ATG4B: variants seen among roughly 807,000 people sequenced by gnomAD.
ATG4B encodes autophagy related 4B cysteine peptidase, also known as cysteine protease ATG4B.
In ATG4B, 29 loss-of-function variants were observed where a neutral mutation model predicts 56.6. The ratio of observed to expected loss-of-function variants is 0.51; its 90% CI spans 0.38 to 0.70. The LOEUF (loss-of-function observed/expected upper bound fraction) is 0.70, where lower values mean the gene tolerates loss of function less well. ATG4B is among the 30% of genes least tolerant of loss of function. The pLI is 0.00. For missense variants in ATG4B, 461 were observed against 515.5 expected, an observed-to-expected ratio of 0.89 and a Z score of 1.02; for synonymous variants, 224 against 206.1, an observed-to-expected ratio of 1.09 and a Z score of -0.74.
At position 241,668,617 on chromosome 2, in the gene ATG4B, G is replaced by A. The variant is rs1186967714; in HGVS notation, c.889G>A (p.Glu297Lys). ...CACTGATGGCTGCTTCATCCCGGAC[G>A]AGAGCTTCCACTGCCAGCACCCGCC... ...EPTDGCFIPDESFHCQHPPCR... is the reference protein window; with the variant it reads ...EPTDGCFIPDKSFHCQHPPCR... The change falls in exon 10 of 13, where the codon GAG becomes AAG. Residue 297 changes from glutamate to lysine, a missense_variant. Transcript: ENST00000404914. The surrounding 1 kb of genome is among the most constrained non-coding windows in gnomAD (Gnocchi z 4.2). 16 of 1,590,534 alleles carry A rather than the reference G, an allele frequency of 1.0e-5. No homozygotes were observed. In the Admixed American group the frequency reaches 1.9e-4, roughly 19 times the overall value.
At chr2:241,643,692 TTTCC>T (rs1285603957) in intron 1 of ATG4B, among the ~76,000 whole-genome samples, 968 of 91,172 alleles carry the variant, frequency 0.011, 56 homozygotes, top group African/African-American at 0.064. Context: ...ATGTATATAT[TTTCC>T]CCCCCCCCCG....
chr2:241,637,953 C>T (rs867952838), intron 1 of ATG4B, among the ~76,000 whole-genome samples: 5 of 151,588 alleles, frequency 3.3e-5, no homozygotes, highest in East Asian at 1.9e-4. Flanking sequence ...CCGTCGGTTG[C>T]GCTGGAGCTT....
Position 241,654,542 on chromosome 2 carries a change from A to G in ATG4B, c.284-4A>G, listed in dbSNP as rs767935495. 1.2e-5 allele frequency: 19 copies of G among 1,581,536 alleles called. No individual in the cohort carries two copies. Among genetic ancestry groups the G allele is most frequent in the Admixed American group, 5.5e-5 (3 of 54,438 alleles). ...GAGCTGACCTGTAATTTTTTTTCCAATAGATTGGAGGTGGACACAAAGGAA... is the reference window on the plus strand; with the variant it reads ...GAGCTGACCTGTAATTTTTTTTCCAGTAGATTGGAGGTGGACACAAAGGAA... On this transcript the variant is annotated splice_region_variant and splice_polypyrimidine_tract_variant and intron_variant, in intron 4 of 12. Coordinates refer to ENST00000404914, the MANE Select transcript of ATG4B (RefSeq NM_013325.5).
At chr2:241,647,852 G>A (rs916128453) in intron 1 of ATG4B, among the ~76,000 whole-genome samples, 5 of 152,026 alleles carry the variant, frequency 3.3e-5, no homozygotes, top group Admixed American at 1.3e-4. Context: ...TGTGGCTCAC[G>A]CCTGTAATCC....
At position 241,646,016 on chromosome 2, in the gene ATG4B, T is replaced by C. The variant is rs1019163371; in HGVS notation, c.11-4994T>C. On this transcript the variant is annotated intron_variant, in intron 1 of 12. Coordinates refer to ENST00000404914, the MANE Select transcript of ATG4B (RefSeq NM_013325.5). ...GCTCCTTGGATTTGCTCCCCTGGGG[T>C]TTCCTGGTCTCCTTGATGGTTTATA... is the stretch of plus-strand genomic sequence containing the variant. Among the ~76,000 whole-genome samples, 8 of 152,230 alleles carry C rather than the reference T, an allele frequency of 5.3e-5. 2 individuals carry two copies. Among genetic ancestry groups the C allele is most frequent in the Admixed American group, 6.5e-5 (1 of 15,298 alleles).
chr2:241,652,037 G>T lies in ATG4B; in HGVS notation c.184+702G>T. ...GGTCAGGGTTTGGTCCCTCTTCTAG[G>T]GGTGGTTTCATTCTTTATCCTGAAG... On this transcript the variant is annotated intron_variant, in intron 3 of 12. Coordinates refer to ENST00000404914, the MANE Select transcript of ATG4B (RefSeq NM_013325.5). 4.1e-6 allele frequency: 5 copies of T among 1,211,870 alleles called. No individual in the cohort carries two copies. The South Asian group carries it at 6.4e-5, about 15-fold the overall frequency. 75.1% of individuals were successfully genotyped at this position (1,211,870 alleles called of 1,614,324 possible).
chr2:241,645,806 A>G (rs1340310673), intron 1 of ATG4B, among the ~76,000 whole-genome samples: 1 of 152,006 alleles, frequency 6.6e-6, no homozygotes, highest in Non-Finnish European at 1.5e-5. Flanking sequence ...GTCCGCCACT[A>G]GCCCTAGGGG....
chr2:241,665,863 CCTGTCACCTGTCTGTCACCTGTCAGTCA>C (rs1427534962), intron 7 of ATG4B, among the ~76,000 whole-genome samples: 1 of 152,210 alleles, frequency 6.6e-6, no homozygotes, highest in East Asian at 1.9e-4. Context: ...CAGTGTGCTA[CCTGTCACCTGTCTGTCACCTGTCAGTCA>C]CTGTCACCTG....
chr2:241,661,720 T>G (rs1352215196), intron 7 of ATG4B, among the ~76,000 whole-genome samples: 2 of 152,134 alleles, frequency 1.3e-5, no homozygotes, highest in Admixed American at 6.5e-5. Context: ...GGGGAGACCT[T>G]ACTGCCTACA....
rs755871757 is a variant in ATG4B at position 241,637,697 on chromosome 2, G to C, written c.-18G>C. On this transcript the variant is annotated 5_prime_UTR_variant, in exon 1 of 13. Transcript: ENST00000404914. ...CGGAGCGACGCCGCTCGGGTCAGTC[G>C]GCGGCCGGACTGGGAAGATGGACGC... The C allele has an allele frequency of 2.7e-5, 42 of 1,584,230 alleles. No homozygotes were observed. Among genetic ancestry groups the C allele is most frequent in the Non-Finnish European group, 3.3e-5 (38 of 1,167,996 alleles).
intron 12 of ATG4B, chr2:241,671,765 G>A (rs1411908874): frequency 1.3e-5 from 17 of 1,290,274 alleles, no homozygotes; most frequent in Non-Finnish European, 1.6e-5. Flanking sequence ...GCCATGGGTG[G>A]CGTAGACCCC....
rs949185321 is a variant in ATG4B at position 241,673,509 on chromosome 2, C to T, written c.*1245C>T. The T allele has an allele frequency of 5.7e-5, 24 of 420,172 alleles. No individual in the cohort carries two copies. Among genetic ancestry groups the T allele is most frequent in the East Asian group, 2.2e-4 (3 of 13,542 alleles). 26.0% of individuals were successfully genotyped at this position (420,172 alleles called of 1,614,324 possible). ...TCGGGGAGCCAGAGATCCCCGAGGA[C>T]GCGCGCCGGACAGTCGGCACTGACC... On this transcript the variant is annotated 3_prime_UTR_variant, in exon 13 of 13. Coordinates refer to ENST00000404914, the MANE Select transcript of ATG4B (RefSeq NM_013325.5).
At chr2:241,671,272 T>TG (rs1437857107) in intron 11 of ATG4B, 40 bp from the exon 12 acceptor site, 20 of 1,563,592 alleles carry the variant, frequency 1.3e-5, no homozygotes, top group Non-Finnish European at 1.6e-5. Flanking sequence ...CAGCAAGCAC[T>TG]GGGGTGAGGC....
intron 1 of ATG4B, among the ~76,000 whole-genome samples, chr2:241,645,172 A>T (rs2068026841): frequency 6.6e-6 from 1 of 152,100 alleles, no homozygotes. Flanking sequence ...GTCCTCCAGC[A>T]TGAGAGGGAC....
chr2:241,668,741 T>C lies in ATG4B; in HGVS notation c.957+56T>C. 6.6e-7 allele frequency: 1 copy of C among 1,519,358 alleles called. No homozygotes were observed. The highest frequency in any genetic ancestry group is 8.8e-7 in the Non-Finnish European group (1 of 1,141,194). 94.1% of individuals were successfully genotyped at this position (1,519,358 alleles called of 1,614,324 possible). ...TTTGGTGCTGAATGCTGTTTGGGAA[T>C]GACGAGGAAAACTTTCGGATTTTTG... On this transcript the variant is annotated intron_variant, in intron 10 of 12. Coordinates refer to ENST00000404914, the MANE Select transcript of ATG4B (RefSeq NM_013325.5). The surrounding 1 kb of genome is among the most constrained non-coding windows in gnomAD (Gnocchi z 4.2).
chr2:241,638,194 T>G (rs908108502), intron 1 of ATG4B: 1 of 152,640 alleles, frequency 6.6e-6, no homozygotes, highest in African/African-American at 2.4e-5. Flanking sequence ...ATTGGTAGGT[T>G]GGAGGAGAGA....
intron 1 of ATG4B, among the ~76,000 whole-genome samples, chr2:241,642,363 C>T (rs1202236678): frequency 6.6e-6 from 1 of 152,012 alleles, no homozygotes; most frequent in Admixed American, 6.6e-5. Flanking sequence ...GACTGAACTA[C>T]TAGCATTCTC....
At chr2:241,669,590 C>G (rs554176405) in intron 10 of ATG4B, among the ~76,000 whole-genome samples, 1 of 152,342 alleles carries the variant, frequency 6.6e-6, no homozygotes, top group African/African-American at 2.4e-5. Context: ...TCACTGCAAG[C>G]TCCGCCTCCC....
chr2:241,668,214 C>A lies in ATG4B; in HGVS notation c.804C>A (p.Gly268=). 6.2e-7 allele frequency: 1 copy of A among 1,602,668 alleles called. No homozygotes were observed. The highest frequency in any genetic ancestry group is 8.5e-7 in the Non-Finnish European group (1 of 1,175,168). ...GKPNSAHYFI[G]YVGEELIYLD... ...CCAACAGCGCCCACTACTTCATCGG[C>A]TACGTTGGTGAGTCCAGGGTTCCCA... The change falls in exon 9 of 13, where the codon GGC becomes GGA. Residue 268 remains glycine, a synonymous_variant. Transcript: ENST00000404914. This position sits in a 1 kb window ranked among gnomAD's most constrained non-coding sequence, Gnocchi z 4.2.
Sources: allele counts gnomAD v4.1 joint callset (sites outside exome capture counted in the v4.1 genomes callset), GRCh38; gene constraint gnomAD v4.1.1; non-coding constraint Gnocchi (gnomAD v3.1); transcripts MANE v1.5; gene names NCBI Gene and HGNC (gene_info 2026-07-23, HGNC 2026-07-21).